PLCG2: variants seen among roughly 807,000 people sequenced by gnomAD.
The protein encoded by PLCG2 is phospholipase C gamma 2.
A neutral mutation model predicts 175.6 loss-of-function variants in PLCG2; 69 were observed. That is an observed-to-expected ratio of 0.39 (90% CI 0.32 to 0.48). The LOEUF is 0.48. PLCG2 is among the 20% of genes least tolerant of loss of function. PLCG2 has a pLI of 0.91. For synonymous variants in PLCG2, 827 were observed against 624.0 expected, an observed-to-expected ratio of 1.33 and a Z score of -4.85; for missense variants, 1,798 against 1,650.9, an observed-to-expected ratio of 1.09 and a Z score of -1.54.
chr16:81,899,761 G>T (rs900986711), intron 13 of PLCG2, among the ~76,000 whole-genome samples: 1 of 152,180 alleles, frequency 6.6e-6, no homozygotes, highest in African/African-American at 2.4e-5. Flanking sequence ...TGTCAGATAC[G>T]CTTGGTTCAG....
At chr16:81,874,767 C>A (rs1907684228) in intron 7 of PLCG2, among the ~76,000 whole-genome samples, 1 of 152,128 alleles carries the variant, frequency 6.6e-6, no homozygotes, top group Non-Finnish European at 1.5e-5. Context: ...TACGTTCCAC[C>A]TCTCGAGCTT....
At chr16:81,927,707 G>T (rs1014071058) in intron 23 of PLCG2, among the ~76,000 whole-genome samples, 2 of 152,186 alleles carry the variant, frequency 1.3e-5, no homozygotes, top group African/African-American at 4.8e-5. Flanking sequence ...GATCCCGTTA[G>T]ACCCCCAGGT....
chr16:81,771,510 C>T (rs1910280897), intron 2 of PLCG2, among the ~76,000 whole-genome samples: 1 of 152,214 alleles, frequency 6.6e-6, no homozygotes, highest in Non-Finnish European at 1.5e-5. Flanking sequence ...GAAGTCTTCG[C>T]AGCTCCATGA....
intron 5 of PLCG2, among the ~76,000 whole-genome samples, chr16:81,864,426 C>T (rs1907129401): frequency 6.6e-6 from 1 of 152,218 alleles, no homozygotes; most frequent in Admixed American, 6.5e-5. Flanking sequence ...GCAGCTACTA[C>T]CTCAGACAGC....
intron 2 of PLCG2, among the ~76,000 whole-genome samples, chr16:81,844,143 A>ATTTTTTTTTTTTTTTTTT: frequency 1.1e-5 from 1 of 93,910 alleles, no homozygotes; most frequent in Non-Finnish European, 2.0e-5. Context: ...CACCCGGCTG[A>ATTTTTTTTTTTTTTTTTT]TTTTTTTTTT....
chr16:81,928,202 C>T (rs1025795807), intron 23 of PLCG2, among the ~76,000 whole-genome samples: 4 of 151,994 alleles, frequency 2.6e-5, no homozygotes, highest in East Asian at 3.8e-4. Context: ...GTTCTTGAGC[C>T]GGGCTTTAGT....
chr16:81,794,669 G>A (rs1303110771), intron 2 of PLCG2, among the ~76,000 whole-genome samples: 1 of 152,194 alleles, frequency 6.6e-6, no homozygotes, highest in African/African-American at 2.4e-5. Flanking sequence ...ATAAGTAAAT[G>A]ACGTGATATA....
chr16:81,938,552 G>C, intron 28 of PLCG2: 1 of 531,666 alleles, frequency 1.9e-6, no homozygotes, highest in Non-Finnish European at 3.4e-6. Context: ...ATGAGCTCAG[G>C]TGAGTTTTAC....
At chr16:81,764,704 A>G (rs946603441) in intron 2 of PLCG2, among the ~76,000 whole-genome samples, 1 of 152,218 alleles carries the variant, frequency 6.6e-6, no homozygotes. Flanking sequence ...ATTTATGTCC[A>G]GCTGGAACCT....
intron 5 of PLCG2, among the ~76,000 whole-genome samples, chr16:81,866,362 T>A (rs58039411): frequency 8.0e-4 from 70 of 87,518 alleles, no homozygotes; most frequent in African/African-American, 2.1e-3. Context: ...TGCTCCCAGG[T>A]TGAGCTCCAC....
At chr16:81,858,893 A>G (rs4888182) in intron 4 of PLCG2, among the ~76,000 whole-genome samples, 81 of 152,102 alleles carry the variant, frequency 5.3e-4, no homozygotes, top group Admixed American at 6.5e-4. Flanking sequence ...GAAGGAATTG[A>G]CAATGTAAAG....
intron 5 of PLCG2, among the ~76,000 whole-genome samples, chr16:81,859,825 C>G (rs1027600425): frequency 6.6e-6 from 1 of 152,094 alleles, no homozygotes; most frequent in East Asian, 1.9e-4. Context: ...CATGAGCCAC[C>G]GCGCCCGGCC....
intron 31 of PLCG2, among the ~76,000 whole-genome samples, chr16:81,952,996 A>G (rs192289929): frequency 2.6e-5 from 4 of 152,362 alleles, no homozygotes; most frequent in African/African-American, 7.2e-5. Flanking sequence ...GAAATCACGT[A>G]CTTCCTGAGG....
intron 2 of PLCG2, among the ~76,000 whole-genome samples, chr16:81,830,549 C>T (rs1905218618): frequency 6.6e-6 from 1 of 151,974 alleles, no homozygotes; most frequent in South Asian, 2.1e-4. Flanking sequence ...CTCAAGTGAT[C>T]CATAGGCCTC....
intron 2 of PLCG2, among the ~76,000 whole-genome samples, chr16:81,805,783 G>GTTTTTTTTTTTTTTTTTTTTT (rs35014411): frequency 3.6e-5 from 3 of 82,914 alleles, no homozygotes; most frequent in African/African-American, 1.1e-4. Flanking sequence ...TTTTTTTTTT[G>GTTTTTTTTTTTTTTTTTTTTT]TTTTTTTTTT....
intron 2 of PLCG2, among the ~76,000 whole-genome samples, chr16:81,795,404 A>G (rs144992361): frequency 2.6e-5 from 4 of 152,224 alleles, no homozygotes; most frequent in Non-Finnish European, 5.9e-5. Flanking sequence ...GGCATAGGGC[A>G]TAGCAACAAA....
chr16:81,864,225 A>G (rs982283080), intron 5 of PLCG2, among the ~76,000 whole-genome samples: 2 of 152,184 alleles, frequency 1.3e-5, no homozygotes, highest in Non-Finnish European at 2.9e-5. Context: ...ATTTCAACCA[A>G]TCCCCAGGTG....
intron 22 of PLCG2, 42 bp downstream of exon 22, chr16:81,923,636 G>C (rs376878428): frequency 1.7e-6 from 2 of 1,198,726 alleles, no homozygotes; most frequent in Non-Finnish European, 2.5e-6. Flanking sequence ...AGGTGGGCTT[G>C]ACTTGTCCCT....
At chr16:81,927,828 G>C (rs1250149498) in intron 23 of PLCG2, among the ~76,000 whole-genome samples, 1 of 152,182 alleles carries the variant, frequency 6.6e-6, no homozygotes, top group Admixed American at 6.5e-5. Context: ...GCAGAAGAGA[G>C]GTGCAAGTGG....
Sources: gnomAD v4.1 joint callset for allele counts (sites outside exome capture counted in the v4.1 genomes callset) on GRCh38, gnomAD v4.1.1 for gene constraint, MANE v1.5 for transcripts, NCBI Gene and HGNC (gene_info 2026-07-23, HGNC 2026-07-21) for gene names.